DOCK4: variants seen among roughly 807,000 people sequenced by gnomAD.
The protein encoded by DOCK4 is dedicator of cytokinesis 4.
In DOCK4, 97 loss-of-function variants were observed where a neutral mutation model predicts 268.1. The ratio of observed to expected loss-of-function variants is 0.36; its 90% CI spans 0.31 to 0.43. The LOEUF is 0.43. Ranked by LOEUF, DOCK4 falls within the 20% of genes least tolerant of loss-of-function variation. The pLI, the probability that DOCK4 is intolerant of heterozygous loss-of-function variation, is 1.00. For synonymous variants in DOCK4, 954 were observed against 887.2 expected (o/e 1.08, Z -1.34); for missense variants, 2,145 against 2,455.7 (o/e 0.87, Z 2.67).
At chr7:112,145,600 T>TCTGTATACAA (rs1815401908) in intron 1 of DOCK4, among the ~76,000 whole-genome samples, 1 of 152,194 alleles carries the variant, frequency 6.6e-6, no homozygotes, top group Non-Finnish European at 1.5e-5. Flanking sequence ...TAACAGTTAA[T>TCTGTATACAA]CTGTATACAA....
At chr7:111,751,202 A>C (rs1230133881) in intron 42 of DOCK4, among the ~76,000 whole-genome samples, 1 of 152,194 alleles carries the variant, frequency 6.6e-6, no homozygotes, top group Non-Finnish European at 1.5e-5. Context: ...TCTAACTACC[A>C]ATTTACAAGG....
At chr7:111,783,008 A>G in intron 34 of DOCK4, 84 bp from the exon 35 acceptor site, 1 of 1,204,666 alleles carries the variant, frequency 8.3e-7, no homozygotes, top group Non-Finnish European at 1.2e-6. Flanking sequence ...GAAAAAAAGA[A>G]AGAAAGAAAG....
chr7:112,114,462 A>C (rs1811944397), intron 1 of DOCK4, among the ~76,000 whole-genome samples: 1 of 152,160 alleles, frequency 6.6e-6, no homozygotes, highest in Admixed American at 6.6e-5. Flanking sequence ...ATTCATTTCC[A>C]AAAAAATGTC....
At chr7:112,144,244 T>C (rs1815217571) in intron 1 of DOCK4, among the ~76,000 whole-genome samples, 1 of 152,182 alleles carries the variant, frequency 6.6e-6, no homozygotes, top group African/African-American at 2.4e-5. Flanking sequence ...CAGTATTTTA[T>C]TTTCTTTTTT....
At chr7:111,877,925 C>G (rs749147725) in intron 16 of DOCK4, among the ~76,000 whole-genome samples, 1 of 152,188 alleles carries the variant, frequency 6.6e-6, no homozygotes, top group Non-Finnish European at 1.5e-5. Context: ...ACAAATATAA[C>G]TGCATGTGGG....
chr7:111,781,494 C>T (rs1310649828), intron 35 of DOCK4, among the ~76,000 whole-genome samples: 1 of 152,152 alleles, frequency 6.6e-6, no homozygotes, highest in African/African-American at 2.4e-5. Context: ...ACCCAGTGAG[C>T]GTGGGCTAAT....
At chr7:111,835,110 G>A (rs1361604358) in intron 25 of DOCK4, among the ~76,000 whole-genome samples, 1 of 152,120 alleles carries the variant, frequency 6.6e-6, no homozygotes, top group Non-Finnish European at 1.5e-5. Context: ...AAGGTAAAAT[G>A]TAGTTTCTGA....
chr7:111,764,918 T>G (rs962083733), intron 39 of DOCK4, among the ~76,000 whole-genome samples, 200 bp downstream of exon 39: 2 of 151,150 alleles, frequency 1.3e-5, no homozygotes, highest in Admixed American at 1.3e-4. Context: ...TATACCAAAT[T>G]TAGGAAGGGG....
At chr7:111,777,164 C>T (rs1798496937) in intron 36 of DOCK4, among the ~76,000 whole-genome samples, 1 of 152,104 alleles carries the variant, frequency 6.6e-6, no homozygotes, top group Non-Finnish European at 1.5e-5. Context: ...TGCTAGACAC[C>T]ATGAAGGTCA....
chr7:111,868,177 G>T (rs766221099), intron 21 of DOCK4, 23 bp from the exon 22 acceptor site: 4 of 1,544,594 alleles, frequency 2.6e-6, no homozygotes, highest in Non-Finnish European at 2.6e-6. Flanking sequence ...ATTTTTAAAA[G>T]TTAGCTTCAA....
At chr7:112,132,738 G>A (rs141061331) in intron 1 of DOCK4, among the ~76,000 whole-genome samples, 102 of 152,176 alleles carry the variant, frequency 6.7e-4, no homozygotes, top group African/African-American at 2.3e-3. Context: ...GGGAACATGG[G>A]ACACATGCAA....
At chr7:112,165,556 G>GTC (rs1817534879) in intron 1 of DOCK4, among the ~76,000 whole-genome samples, 1 of 144,358 alleles carries the variant, frequency 6.9e-6, no homozygotes, top group South Asian at 2.4e-4. Context: ...GTGTGTGTGT[G>GTC]TGTGCGTGTG....
intron 44 of DOCK4, among the ~76,000 whole-genome samples, chr7:111,744,867 T>G (rs115659861): frequency 0.012 from 1,900 of 152,276 alleles, 48 homozygotes; most frequent in African/African-American, 0.043. Context: ...TAGTATTAGG[T>G]TTTGTGGACT....
At chr7:111,746,228 CAGCTTCTGTT>C in intron 44 of DOCK4, 96 bp downstream of exon 44, 1 of 829,996 alleles carries the variant, frequency 1.2e-6, no homozygotes, top group South Asian at 1.9e-5. Context: ...CCTTGCTTGC[CAGCTTCTGTT>C]AGACCACTGA....
intron 47 of DOCK4, chr7:111,739,895 G>A (rs982765414): frequency 1.7e-5 from 5 of 300,628 alleles, no homozygotes; most frequent in African/African-American, 1.1e-4. Context: ...CAAAGATAGT[G>A]GTGAGGAAAA....
chr7:111,811,062 G>A lies in DOCK4; in HGVS notation c.3006+812C>T, dbSNP rs117563069. On this transcript the variant is annotated intron_variant, in intron 28 of 52. Coordinates refer to ENST00000428084, the MANE Select transcript of DOCK4 (RefSeq NM_001363540.2). ...AAAAAGAACCAAAGAAATAATTAGG[G>A]ATATATGCCAAGTTTTATTTTACAA... Among the ~76,000 whole-genome samples the A allele has an allele frequency of 7.8e-3, 1,184 of 151,920 alleles. 10 individuals are homozygous for A. The highest frequency in any genetic ancestry group is 0.011 in the Non-Finnish European group (752 of 67,930).
chr7:111,740,124 C>T, intron 47 of DOCK4: 1 of 443,850 alleles, frequency 2.3e-6, no homozygotes, highest in South Asian at 1.6e-5. Flanking sequence ...CTTTGAGACA[C>T]AGTCTCGCTT....
chr7:111,998,411 GA>G (rs768968715), intron 4 of DOCK4, 36 bp downstream of exon 4: 4 of 1,483,372 alleles, frequency 2.7e-6, no homozygotes, highest in Non-Finnish European at 3.6e-6. Flanking sequence ...AAGGCTCTGT[GA>G]AAATCCTCCA....
chr7:111,961,503 G>A (rs1034233148), intron 8 of DOCK4, among the ~76,000 whole-genome samples: 1 of 152,156 alleles, frequency 6.6e-6, no homozygotes, highest in Admixed American at 6.5e-5. Context: ...TCACCTTTGG[G>A]AGGATAAACC....
Sources: gnomAD v4.1 joint callset for allele counts (sites outside exome capture counted in the v4.1 genomes callset) on GRCh38, gnomAD v4.1.1 for gene constraint, MANE v1.5 for transcripts, NCBI Gene and HGNC (gene_info 2026-07-23, HGNC 2026-07-21) for gene names.